Variants in CYB5R2 observed in about 807,000 individuals in gnomAD.
The protein encoded by CYB5R2 is NADH-cytochrome b5 reductase 2.
CYB5R2 carries 35 observed loss-of-function variants against 29.8 expected under a neutral mutation model. That is an observed-to-expected ratio of 1.17 (90% CI 0.90 to 1.56). The LOEUF is 1.56. Among genes scored for constraint, CYB5R2 ranks in the 40% most tolerant of loss-of-function variants. CYB5R2 has a pLI of 0.00. For synonymous variants in CYB5R2, 169 were observed against 130.6 expected (o/e 1.29, Z -2.01); for missense variants, 419 against 346.7 (o/e 1.21, Z -1.66).
At chr11:7,669,181 C>G in intron 5 of CYB5R2, 24 bp downstream of exon 5, 1 of 1,614,002 alleles carries the variant, frequency 6.2e-7, no homozygotes. Context: ...CAGCTGGGAG[C>G]CCAAGTATTA....
Position 7,665,692 on chromosome 11 carries a change from A to G in CYB5R2, c.659-146T>C, listed in dbSNP as rs1383459287. 9.6e-6 allele frequency: 11 copies of G among 1,147,222 alleles called. No homozygotes were observed. In the African/African-American group the frequency reaches 1.1e-4, roughly 11 times the overall value. The allele number at this position is 1,147,222 out of a possible 1,614,324, so 71.1% of individuals were successfully genotyped here. A position where few individuals can be genotyped will look rare whatever the true frequency, so the allele number is the denominator to read the frequency against. ...GAAGTCTGTACTACTGCTCCCTGCA[A>G]AAAGCCTCAGAACTAGTAAACAGCC... On this transcript the variant is annotated intron_variant, in intron 8 of 8. Coordinates refer to ENST00000299498, the MANE Select transcript of CYB5R2 (RefSeq NM_016229.5).
At chr11:7,670,621 T>G (rs767873193) in intron 3 of CYB5R2, 22 of 152,308 alleles carry the variant, frequency 1.4e-4, no homozygotes, top group Non-Finnish European at 3.1e-4. Flanking sequence ...AGTGAAGTTT[T>G]TAACCATGTA....
At chr11:7,674,216 T>C (rs1855945811), upstream of CYB5R2, 1 of 1,281,726 alleles carries the variant, frequency 7.8e-7, no homozygotes, top group Non-Finnish European at 1.0e-6. Flanking sequence ...AATATATTCA[T>C]TCGACATACC....
intron 7 of CYB5R2, chr11:7,666,851 T>TGATA: frequency 1.1e-5 from 3 of 270,552 alleles, no homozygotes; most frequent in South Asian, 9.4e-5. Context: ...ATGGCTTCAC[T>TGATA]CGGAGCTCCA....
Position 7,673,494 on chromosome 11 carries a change from G to C in CYB5R2, c.-142C>G. The C allele has an allele frequency of 2.0e-6, 2 of 986,212 alleles. No homozygotes were observed. Among genetic ancestry groups the C allele is most frequent in the Non-Finnish European group, 2.4e-6 (2 of 830,566 alleles). 61.1% of individuals were successfully genotyped at this position (986,212 alleles called of 1,614,324 possible). ...TGCCTCTCCTCCCGCCGGGTCACTG[G>C]AGTCTCAGCCTTCCGGAATCCGAGC... On this transcript the variant is annotated 5_prime_UTR_variant, in exon 1 of 9. Transcript: ENST00000299498.
chr11:7,666,728 T>A (rs181498151), intron 7 of CYB5R2, 178 bp from the exon 8 acceptor site: 33 of 514,460 alleles, frequency 6.4e-5, no homozygotes, highest in Admixed American at 4.7e-4. Flanking sequence ...AAACCCTTTG[T>A]TTTGTGGATG....
At chr11:7,667,027 T>G (rs1855310299) in intron 7 of CYB5R2, 1 of 152,470 alleles carries the variant, frequency 6.6e-6, no homozygotes, top group African/African-American at 2.4e-5. Flanking sequence ...GAGCCCCATT[T>G]GGGGGAAAGG....
At chr11:7,666,398 G>A in intron 8 of CYB5R2, 53 bp downstream of exon 8, 1 of 1,141,828 alleles carries the variant, frequency 8.8e-7, no homozygotes, top group Non-Finnish European at 1.3e-6. Flanking sequence ...AGTCCTCAAA[G>A]TGGTCAAGGG....
At chr11:7,668,018 T>C (rs1200657176) in intron 6 of CYB5R2, among the ~76,000 whole-genome samples, 1 of 152,266 alleles carries the variant, frequency 6.6e-6, no homozygotes. Flanking sequence ...CATTTTCATA[T>C]GGCAAGATGG....
intron 8 of CYB5R2, 118 bp downstream of exon 8, chr11:7,666,333 C>A: frequency 1.5e-6 from 1 of 685,966 alleles, no homozygotes. Context: ...GAGCCCCAGG[C>A]TTAACCCCCA....
At chr11:7,665,642 T>G in intron 8 of CYB5R2, 96 bp from the exon 9 acceptor site, 1 of 1,343,678 alleles carries the variant, frequency 7.4e-7, no homozygotes, top group Non-Finnish European at 1.0e-6. Context: ...AGGGAGGAGG[T>G]GACAAGCTGC....
At chr11:7,668,978 C>T (rs779749277) in intron 5 of CYB5R2, 17 of 674,198 alleles carry the variant, frequency 2.5e-5, no homozygotes, top group Middle Eastern at 2.4e-4. Flanking sequence ...GATTTTGATA[C>T]AATGACGAGG....
intron 3 of CYB5R2, chr11:7,671,359 T>G (rs1388348832): frequency 2.0e-5 from 3 of 152,338 alleles, no homozygotes; most frequent in African/African-American, 7.2e-5. Flanking sequence ...CTCTGAGGCC[T>G]CATATTAGAC....
upstream of CYB5R2, chr11:7,673,897 C>T (rs893865321): frequency 2.0e-6 from 2 of 999,114 alleles, no homozygotes; most frequent in African/African-American, 1.7e-5. Context: ...AGGCTGGGAC[C>T]CCGGCGGCTG....
chr11:7,672,736 C>A lies in CYB5R2; in HGVS notation c.78+12G>T. On this transcript the variant is annotated intron_variant, in intron 2 of 8. Coordinates refer to ENST00000299498, the MANE Select transcript of CYB5R2 (RefSeq NM_016229.5). ...CACTTACTGCCTTCCACCCACAGGG[C>A]TGACCCATTACCTCTTTCTCAATCA... is the stretch of plus-strand genomic sequence containing the variant. The A allele has an allele frequency of 6.2e-7, 1 of 1,614,178 alleles. No individual in the cohort carries two copies. The highest frequency in any genetic ancestry group is 8.5e-7 in the Non-Finnish European group (1 of 1,180,020).
intron 3 of CYB5R2, chr11:7,669,944 C>G (rs1187405674): frequency 1.8e-6 from 1 of 544,022 alleles, no homozygotes; most frequent in African/African-American, 1.9e-5. Flanking sequence ...GTCACTTCAC[C>G]TCTCTGGGTT....
intron 8 of CYB5R2, 96 bp downstream of exon 8, chr11:7,666,355 A>C (rs927359480): frequency 1.2e-6 from 1 of 813,094 alleles, no homozygotes. Flanking sequence ...ATCTGGTCCT[A>C]CAAAACTAAA....
chr11:7,665,973 TGA>T, intron 8 of CYB5R2: 6 of 1,475,214 alleles, frequency 4.1e-6, no homozygotes, highest in African/African-American at 1.4e-5. Flanking sequence ...GGGAGCAGTG[TGA>T]GAGGCGCGCC....
chr11:7,667,529 A>T, intron 7 of CYB5R2, 199 bp downstream of exon 7: 1 of 558,922 alleles, frequency 1.8e-6, no homozygotes, highest in Non-Finnish European at 3.2e-6. Context: ...CTGAGGAGAC[A>T]CAAAAGAGTT....
Sources: gnomAD v4.1 joint callset for allele counts (sites outside exome capture counted in the v4.1 genomes callset) on GRCh38, gnomAD v4.1.1 for gene constraint, MANE v1.5 for transcripts, NCBI Gene and HGNC (gene_info 2026-07-23, HGNC 2026-07-21) for gene names.